The following SORCS1 variants were observed in gnomAD, a reference collection of about 807,000 sequenced individuals.
SORCS1 encodes the protein VPS10 domain-containing receptor SorCS1.
SORCS1 carries 60 observed loss-of-function variants against 146.1 expected under a neutral mutation model. The ratio of observed to expected loss-of-function variants is 0.41; its 90% confidence interval spans 0.33 to 0.51. The LOEUF (loss-of-function observed/expected upper bound fraction) is 0.51, where lower values mean the gene tolerates loss of function less well. SORCS1 is among the 20% of genes least tolerant of loss of function. The pLI, the probability that SORCS1 is intolerant of heterozygous loss-of-function variation, is 0.21. For synonymous variants in SORCS1, 637 were observed against 584.0 expected, an observed-to-expected ratio of 1.09 and a Z score of -1.31; for missense variants, 1,352 against 1,487.6, an observed-to-expected ratio of 0.91 and a Z score of 1.50.
intron 6 of SORCS1, among the ~76,000 whole-genome samples, chr10:106,713,208 A>C (rs914202520): frequency 2.6e-5 from 4 of 152,216 alleles, no homozygotes; most frequent in Admixed American, 1.3e-4. Flanking sequence ...TAATGACATC[A>C]TTGAGCTGTT....
intron 3 of SORCS1, among the ~76,000 whole-genome samples, chr10:106,782,292 A>T (rs1016360189): frequency 2.0e-5 from 3 of 152,298 alleles, no homozygotes; most frequent in Admixed American, 1.3e-4. Flanking sequence ...TTAAGACAAG[A>T]TCTTGCTCTG....
chr10:106,987,818 GTCTACTT>G (rs902431553), intron 1 of SORCS1, among the ~76,000 whole-genome samples: 5 of 151,942 alleles, frequency 3.3e-5, no homozygotes, highest in African/African-American at 1.2e-4. Flanking sequence ...TTCAAGTTCT[GTCTACTT>G]TCTTAACCCT....
chr10:106,677,487 C>CA (rs920292466), intron 12 of SORCS1, 83 bp from the exon 13 acceptor site: 2 of 1,199,706 alleles, frequency 1.7e-6, no homozygotes, highest in Non-Finnish European at 2.4e-6. Flanking sequence ...CACATGAGAA[C>CA]AAAAATCCTT....
chr10:107,109,513 C>T (rs1214323976), intron 1 of SORCS1, among the ~76,000 whole-genome samples: 1 of 152,212 alleles, frequency 6.6e-6, no homozygotes, highest in Non-Finnish European at 1.5e-5. Flanking sequence ...ATGTGGGGAG[C>T]AGCATCCCAA....
At chr10:107,048,334 T>C (rs1247633369) in intron 1 of SORCS1, among the ~76,000 whole-genome samples, 4 of 152,174 alleles carry the variant, frequency 2.6e-5, no homozygotes, top group South Asian at 2.1e-4. Flanking sequence ...TGTAACAACA[T>C]AAATTACCTT....
At chr10:106,822,238 G>C (rs1948072915) in intron 3 of SORCS1, among the ~76,000 whole-genome samples, 1 of 152,150 alleles carries the variant, frequency 6.6e-6, no homozygotes, top group Non-Finnish European at 1.5e-5. Context: ...TTAAATTTAT[G>C]AATGTTATAA....
chr10:106,928,270 G>A (rs1390175697), intron 2 of SORCS1, among the ~76,000 whole-genome samples: 3 of 152,230 alleles, frequency 2.0e-5, no homozygotes, highest in Admixed American at 6.5e-5. Context: ...GCTAAGGCCA[G>A]GCGAGAAATC....
chr10:106,714,179 A>G (rs1855201273), intron 6 of SORCS1, among the ~76,000 whole-genome samples: 1 of 142,812 alleles, frequency 7.0e-6, no homozygotes, highest in South Asian at 2.3e-4. Context: ...CCTTTGACCT[A>G]GGGTTTATTT....
chr10:106,830,558 C>G (rs1948495099), intron 2 of SORCS1, among the ~76,000 whole-genome samples: 1 of 150,132 alleles, frequency 6.7e-6, no homozygotes, highest in African/African-American at 2.5e-5. Context: ...TTCATTATAC[C>G]TCAGCTTTTT....
At chr10:107,143,209 T>C (rs1386667929) in intron 1 of SORCS1, among the ~76,000 whole-genome samples, 1 of 152,228 alleles carries the variant, frequency 6.6e-6, no homozygotes, top group Non-Finnish European at 1.5e-5. Flanking sequence ...CTGGTCTCCC[T>C]TTTTTCTATG....
intron 3 of SORCS1, among the ~76,000 whole-genome samples, chr10:106,820,054 C>T (rs958980462): frequency 1.3e-5 from 2 of 152,124 alleles, no homozygotes; most frequent in African/African-American, 4.8e-5. Flanking sequence ...CTTCTCTTAT[C>T]TGTGAGAGGC....
chr10:106,952,716 T>C (rs1003569859), intron 2 of SORCS1, among the ~76,000 whole-genome samples: 1 of 151,646 alleles, frequency 6.6e-6, no homozygotes. Context: ...TGGCTCATGC[T>C]TGTAATCCTG....
intron 1 of SORCS1, among the ~76,000 whole-genome samples, chr10:106,965,900 A>G (rs1435442773): frequency 6.6e-6 from 1 of 152,160 alleles, no homozygotes; most frequent in Admixed American, 6.5e-5. Flanking sequence ...TATTTTCCTG[A>G]TCATAGACAT....
intron 5 of SORCS1, among the ~76,000 whole-genome samples, chr10:106,758,248 G>A (rs1003567752): frequency 6.6e-6 from 1 of 152,146 alleles, no homozygotes; most frequent in African/African-American, 2.4e-5. Context: ...GGTGAGGTCT[G>A]TTCAGGTTAT....
chr10:106,686,828 C>A (rs927029303), intron 10 of SORCS1, among the ~76,000 whole-genome samples: 1 of 152,152 alleles, frequency 6.6e-6, no homozygotes, highest in Non-Finnish European at 1.5e-5. Context: ...CCGCCTACAG[C>A]TGTAAGAGAT....
intron 1 of SORCS1, among the ~76,000 whole-genome samples, chr10:107,124,065 C>T (rs1222569496): frequency 2.8e-5 from 4 of 145,124 alleles, no homozygotes; most frequent in South Asian, 2.2e-4. Context: ...CCAGCCTGGG[C>T]GACAGAGCGA....
chr10:106,900,241 TG>T (rs1951650346), intron 2 of SORCS1, among the ~76,000 whole-genome samples: 2 of 152,196 alleles, frequency 1.3e-5, no homozygotes, highest in Non-Finnish European at 2.9e-5. Context: ...ATGAGCTACT[TG>T]AGTTCAGAGC....
rs1295976698 is a variant in SORCS1 at position 106,661,252 on chromosome 10, G to C, written c.2303+6437C>G. 2.6e-4 allele frequency among the ~76,000 whole-genome samples: 39 copies of C among 152,170 alleles called. 1 individual carries two copies. The highest frequency in any genetic ancestry group is 2.6e-3 in the Admixed American group (39 of 15,260). ...ATGAAATAAAATACAAATGAATACT[G>C]CTTTCATTTTATTTGAGCAAAAGGA... On this transcript the variant is annotated intron_variant, in intron 17 of 25. Transcript: ENST00000263054.
chr10:106,580,623 C>T (rs778212267), intron 24 of SORCS1, among the ~76,000 whole-genome samples: 2 of 152,134 alleles, frequency 1.3e-5, no homozygotes, highest in Non-Finnish European at 2.9e-5. Context: ...CCTTTAATCA[C>T]CATTTTCTGT....
Sources: gnomAD v4.1 joint callset for allele counts (sites outside exome capture counted in the v4.1 genomes callset) on GRCh38, gnomAD v4.1.1 for gene constraint, MANE v1.5 for transcripts, NCBI Gene and HGNC (gene_info 2026-07-23, HGNC 2026-07-21) for gene names.